Variants in TRAF3IP3 observed in about 807,000 individuals in gnomAD.
TRAF3IP3 encodes the protein TRAF3 interacting protein 3, also known as TRAF3-interacting JNK-activating modulator.
TRAF3IP3 carries 64 observed loss-of-function variants against 86.5 expected under a neutral mutation model. That is an observed-to-expected ratio of 0.74 (90% CI 0.60 to 0.91). The LOEUF (loss-of-function observed/expected upper bound fraction) is 0.91, where lower values mean the gene tolerates loss of function less well. Ranked by LOEUF, TRAF3IP3 falls within the 40% of genes least tolerant of loss-of-function variation. TRAF3IP3 has a pLI of 0.00. For missense variants in TRAF3IP3, 579 were observed against 642.9 expected (o/e 0.90, Z 1.07); for synonymous variants, 220 against 243.9 (o/e 0.90, Z 0.91).
intron 6 of TRAF3IP3, 95 bp downstream of exon 6, chr1:209,763,187 A>C: frequency 6.9e-7 from 1 of 1,455,924 alleles, no homozygotes; most frequent in South Asian, 1.1e-5. Context: ...ATGGAGGGGC[A>C]TCTTCTTCCT....
chr1:209,766,347 A>G (rs2077356644), intron 8 of TRAF3IP3, among the ~76,000 whole-genome samples: 1 of 152,202 alleles, frequency 6.6e-6, no homozygotes, highest in African/African-American at 2.4e-5. Flanking sequence ...CAGTCATTTG[A>G]TAAGTTCCAA....
In TRAF3IP3 at chr1:209,778,092, T is replaced by C. The variant is rs1270386677; in HGVS notation, c.1190-19T>C. Reference sequence around the variant, plus strand: ...AGTCTTGGGTTCCTTTATTTTGGCTTGCATTATTGCATTTTCAGATCAACT... The same window carrying C: ...AGTCTTGGGTTCCTTTATTTTGGCTCGCATTATTGCATTTTCAGATCAACT... On this transcript the variant is annotated intron_variant, in intron 12 of 16. Transcript: ENST00000367025. 13 of 1,613,050 alleles carry C rather than the reference T, an allele frequency of 8.1e-6. No homozygotes were observed. The highest frequency in any genetic ancestry group is 1.7e-4 in the Middle Eastern group (1 of 6,058).
intron 12 of TRAF3IP3, 169 bp downstream of exon 12, chr1:209,777,656 C>T (rs1193126412): frequency 1.4e-6 from 1 of 694,366 alleles, no homozygotes; most frequent in Non-Finnish European, 2.3e-6. Flanking sequence ...CTGTTTTAAT[C>T]ATCCAAAATT....
chr1:209,780,780 C>A (rs1267161173), intron 15 of TRAF3IP3, 174 bp downstream of exon 15: 2 of 481,650 alleles, frequency 4.2e-6, no homozygotes, highest in African/African-American at 2.0e-5. Flanking sequence ...CTTTTCCCTT[C>A]CTTATTTATA....
chr1:209,781,385 A>C lies in TRAF3IP3; in HGVS notation c.1490A>C (p.Glu497Ala), dbSNP rs1279231632. The change falls in exon 16 of 17, where the codon GAG becomes GCG. Residue 497 changes from glutamate to alanine, a missense_variant. Physicochemically the swap from Glu to Ala is moderately radical, Grantham distance 107 (BLOSUM62 -1). Coordinates refer to ENST00000367025, the MANE Select transcript of TRAF3IP3 (RefSeq NM_025228.4). Reference protein sequence around the residue: ...LHSELDNLSDEYLSCLRKLQH... With the variant: ...LHSELDNLSDAYLSCLRKLQH... ...TCAGAATTAGACAACCTCAGTGACG[A>C]GTATCTCTCCTGCCTGCGTAAGCTG... The C allele has an allele frequency of 3.1e-6, 5 of 1,613,612 alleles. No individual in the cohort carries two copies. In the African/African-American group the frequency reaches 4.0e-5, roughly 13 times the overall value.
chr1:209,777,610 T>C, intron 12 of TRAF3IP3, 123 bp downstream of exon 12: 1 of 1,063,346 alleles, frequency 9.4e-7, no homozygotes, highest in Non-Finnish European at 1.3e-6. Flanking sequence ...GTTGATTGGC[T>C]TTATAATCTC....
chr1:209,773,067 G>C, intron 9 of TRAF3IP3, 48 bp downstream of exon 9: 6 of 1,504,156 alleles, frequency 4.0e-6, no homozygotes, highest in Non-Finnish European at 5.5e-6. Flanking sequence ...AGAATTAAAT[G>C]AGAAGAATGT....
At chr1:209,774,658 T>C (rs1331022950) in intron 9 of TRAF3IP3, among the ~76,000 whole-genome samples, 1 of 152,170 alleles carries the variant, frequency 6.6e-6, no homozygotes, top group Non-Finnish European at 1.5e-5. Context: ...TCTAGGCGTG[T>C]AAGAGGAGCC....
intron 13 of TRAF3IP3, chr1:209,778,882 T>C (rs1321042858): frequency 5.0e-6 from 1 of 201,600 alleles, no homozygotes; most frequent in Non-Finnish European, 1.0e-5. Flanking sequence ...CTCACAGTTC[T>C]GGAGACTAGA....
Position 209,780,593 on chromosome 1 carries a change from C to T in TRAF3IP3, c.1436C>T (p.Ala479Val). 6.3e-7 allele frequency: 1 copy of T among 1,587,344 alleles called. No homozygotes were observed. The highest frequency in any genetic ancestry group is 1.1e-5 in the South Asian group (1 of 88,010). ...CAAAAGAAGACTTTGCAGCTCCAGG[C>T]CAAGGAAAAGGAGGTGAGAGGGTGA... ...QLQKKTLQLQAKEKECRELHS... is the reference protein window; with the variant it reads ...QLQKKTLQLQVKEKECRELHS... The change falls in exon 15 of 17, where the codon GCC becomes GTC. Residue 479 changes from alanine (A) to valine (V), a missense_variant. Coordinates refer to ENST00000367025, the MANE Select transcript of TRAF3IP3 (RefSeq NM_025228.4).
intron 2 of TRAF3IP3, 71 bp downstream of exon 2, chr1:209,759,205 T>C (rs1288812816): frequency 6.6e-6 from 1 of 152,256 alleles, no homozygotes; most frequent in Non-Finnish European, 1.5e-5. Context: ...AAATGGGTTT[T>C]GGCCAGCACT....
At chr1:209,768,760 G>A (rs2077405446) in intron 8 of TRAF3IP3, 2 of 940,158 alleles carry the variant, frequency 2.1e-6, no homozygotes, top group Admixed American at 6.2e-5. Flanking sequence ...TCAGCAGTAG[G>A]CCTGTAAAAA....
At chr1:209,772,237 G>C (rs1199783975) in intron 8 of TRAF3IP3, among the ~76,000 whole-genome samples, 2 of 152,232 alleles carry the variant, frequency 1.3e-5, no homozygotes, top group South Asian at 2.1e-4. Context: ...AGCAGAGTTC[G>C]TTTCTCCTGC....
chr1:209,782,017 C>G, intron 16 of TRAF3IP3, 39 bp from the exon 17 acceptor site: 1 of 1,542,076 alleles, frequency 6.5e-7, no homozygotes, highest in Non-Finnish European at 9.0e-7. Flanking sequence ...TTCCAATCCA[C>G]TCATGGCCAC....
At chr1:209,760,464 TAAAA>T in intron 3 of TRAF3IP3, 80 bp downstream of exon 3, 2 of 1,240,992 alleles carry the variant, frequency 1.6e-6, no homozygotes, top group Non-Finnish European at 2.2e-6. Context: ...TCAAGGTCAC[TAAAA>T]AGTGACCTAA....
At chr1:209,775,970 C>T in intron 11 of TRAF3IP3, 1 of 417,016 alleles carries the variant, frequency 2.4e-6, no homozygotes, top group Non-Finnish European at 4.3e-6. Context: ...ATTGGAATGA[C>T]ACCATCACCA....
rs1448067241 is a variant in TRAF3IP3 at position 209,777,622 on chromosome 1, T to C, written c.1189+135T>C. 17 of 960,146 alleles carry C rather than the reference T, an allele frequency of 1.8e-5. No homozygotes were observed. The Admixed American group carries it at 5.1e-4, about 29-fold the overall frequency. 59.5% of individuals were successfully genotyped at this position (960,146 alleles called of 1,614,324 possible). A position where few individuals can be genotyped will look rare whatever the true frequency, so the allele number is the denominator to read the frequency against. On this transcript the variant is annotated intron_variant, in intron 12 of 16. Transcript: ENST00000367025. ...TTGGTTGATTGGCTTTATAATCTCA[T>C]TTTACCTTGAGGGAGAGGCAGGACT...
At chr1:209,763,007 A>C in intron 5 of TRAF3IP3, 61 bp from the exon 6 acceptor site, 1 of 1,598,714 alleles carries the variant, frequency 6.3e-7, no homozygotes, top group Admixed American at 1.7e-5. Context: ...GAATCAACCC[A>C]CTGCCTCCTG....
rs1282433344 is a variant in TRAF3IP3 at position 209,768,534 on chromosome 1, A to G, written c.703-4414A>G. The G allele has an allele frequency of 2.5e-5, 25 of 985,474 alleles. No individual in the cohort carries two copies. In the Admixed American group the frequency reaches 1.2e-3, roughly 48 times the overall value. The allele number at this position is 985,474 out of a possible 1,614,324, so 61.0% of individuals were successfully genotyped here. A position where few individuals can be genotyped will look rare whatever the true frequency, so the allele number is the denominator to read the frequency against. On this transcript the variant is annotated intron_variant, in intron 8 of 16. Transcript: ENST00000367025. ...TTGGCTGAAGCCCTAAGCAACCTCT[A>G]CTAGAGCAGAGAGATGAGCTGTGGG...
Sources: allele counts gnomAD v4.1 joint callset (sites outside exome capture counted in the v4.1 genomes callset), GRCh38; gene constraint gnomAD v4.1.1; transcripts MANE v1.5; gene names NCBI Gene and HGNC (gene_info 2026-07-23, HGNC 2026-07-21).